ZNF292: variants seen among roughly 807,000 people sequenced by gnomAD.
ZNF292 encodes 16 zinc-finger domain protein.
A neutral mutation model predicts 217.9 loss-of-function variants in ZNF292; 26 were observed. The observed-to-expected ratio is 0.12, with a 90% CI of 0.09 to 0.17. The LOEUF (loss-of-function observed/expected upper bound fraction) is 0.17, where lower values mean the gene tolerates loss of function less well. Among genes scored for constraint, ZNF292 ranks in the 10% least tolerant of loss-of-function variants. The probability of loss-of-function intolerance (pLI) is 1.00; values close to 1 mark genes in which losing one functional copy is unlikely to be tolerated. For synonymous variants in ZNF292, 1,257 were observed against 1,124.1 expected (o/e 1.12, Z -2.37); for missense variants, 2,904 against 3,175.2 (o/e 0.91, Z 2.05).
rs1775155193 is a variant in ZNF292 at position 87,255,425 on chromosome 6, G to A, written c.1796G>A (p.Arg599Lys). 2 of 1,613,722 alleles carry A rather than the reference G, an allele frequency of 1.2e-6. No individual in the cohort carries two copies. The highest frequency in any genetic ancestry group is 1.7e-6 in the Non-Finnish European group (2 of 1,179,830). The change falls in exon 8 of 8, where the codon AGA (arginine) becomes AAA (lysine). Residue 599 changes from arginine (R) to lysine (K), a missense_variant. Arg to Lys is a conservative substitution (Grantham distance 26, BLOSUM62 2). This residue lies in a region of ZNF292 where 216 missense variants were observed against 308.3 expected (regional missense o/e 0.70). Coordinates refer to ENST00000369577, the MANE Select transcript of ZNF292 (RefSeq NM_015021.3). ...CATGTTAAACAATCTAGTAAAGAGA[G>A]ACTAGCAGCTATGAAACCATTAAGA... ...TLHVKQSSKERLAAMKPLRRL... is the reference protein window; with the variant it reads ...TLHVKQSSKEKLAAMKPLRRL...
chr6:87,230,525 A>C (rs1362759940), intron 4 of ZNF292, among the ~76,000 whole-genome samples: 1 of 152,128 alleles, frequency 6.6e-6, no homozygotes, highest in African/African-American at 2.4e-5. Flanking sequence ...CGAGGTCAGG[A>C]TATCAAGACC....
intron 1 of ZNF292, among the ~76,000 whole-genome samples, chr6:87,166,176 C>T (rs1342552885): frequency 6.6e-6 from 1 of 152,226 alleles, no homozygotes; most frequent in Non-Finnish European, 1.5e-5. Flanking sequence ...CCATTGCGCT[C>T]TCCCTCCATT....
Position 87,255,191 on chromosome 6 carries a change from T to G in ZNF292, c.1562T>G (p.Ile521Arg), listed in dbSNP as rs377486463. The G allele has an allele frequency of 1.9e-4, 301 of 1,613,730 alleles. 1 individual carries two copies. The highest frequency in any genetic ancestry group is 2.5e-4 in the South Asian group (23 of 91,064). ...IGDEKQKKRE[I>R]KQLRERGFIS... The stretch of plus-strand genomic sequence containing the variant: ...GATGAAAAGCAGAAGAAGAGAGAGA[T>G]AAAACAGTTAAGAGAGAGGGGATTT... The change falls in exon 8 of 8, where the codon ATA becomes AGA. Residue 521 changes from isoleucine to arginine, a missense_variant. This residue lies in a region of ZNF292 where 87 missense variants were observed against 99.6 expected (regional missense o/e 0.87). Transcript: ENST00000369577.
chr6:87,167,829 T>C (rs1770967611), intron 1 of ZNF292, among the ~76,000 whole-genome samples: 1 of 152,150 alleles, frequency 6.6e-6, no homozygotes, highest in African/African-American at 2.4e-5. Flanking sequence ...TCTTCGCTGA[T>C]TCAGAAAATG....
At position 87,260,899 on chromosome 6, in the gene ZNF292, C is replaced by T. The variant is rs1251284244; in HGVS notation, c.7270C>T (p.Leu2424Phe). 1 of 1,610,394 alleles carries T rather than the reference C, an allele frequency of 6.2e-7. No homozygotes were observed. Among genetic ancestry groups the T allele is most frequent in the Non-Finnish European group, 8.5e-7 (1 of 1,178,226 alleles). ...ATTTACATCACAACACCGAAATCTT[C>T]TTATTGTATTCAAACGGTGTTGCAA... The part of the protein sequence containing the change: ...KAFTSQHRNL[L>F]IVFKRCCNSQ... The change falls in exon 8 of 8, where the codon CTT (leucine) becomes TTT (phenylalanine). Residue 2424 changes from leucine to phenylalanine, a missense_variant. Leu to Phe is a conservative substitution (Grantham distance 22). Around this residue, in one of 15 missense-constraint regions of ZNF292, gnomAD observed 380 missense variants for 355.3 expected, o/e 1.07. Coordinates refer to ENST00000369577, the MANE Select transcript of ZNF292 (RefSeq NM_015021.3).
In ZNF292 at chr6:87,188,413, C is replaced by T. The variant is rs144845864; in HGVS notation, c.169-27490C>T. ...AGAAATCCCTTACTGTCTTCCTGGC[C>T]TTATATTTCTATTATAAGCCTCTAT... On this transcript the variant is annotated intron_variant, in intron 1 of 7. Coordinates refer to ENST00000369577, the MANE Select transcript of ZNF292 (RefSeq NM_015021.3). 4.8e-4 allele frequency among the ~76,000 whole-genome samples: 73 copies of T among 152,230 alleles called. 1 individual carries two copies. The East Asian group carries it at 0.012, about 26-fold the overall frequency.
At position 87,265,785 on chromosome 6, in the gene ZNF292, GATT is replaced by G. The variant is rs778265269; in HGVS notation, c.*3988_*3990del. ...ATTGTATCAGCTGTTTGCAAATGGT[GATT>G]ATTCTGATTGATCAATTTATATATC... is the stretch of plus-strand genomic sequence containing the variant. On this transcript the variant is annotated 3_prime_UTR_variant, in exon 8 of 8. Coordinates refer to ENST00000369577, the MANE Select transcript of ZNF292 (RefSeq NM_015021.3). 1.1e-4 allele frequency among the ~76,000 whole-genome samples: 17 copies of G among 152,132 alleles called. No individual in the cohort carries two copies. Among genetic ancestry groups the G allele is most frequent in the Admixed American group, 8.5e-4 (13 of 15,276 alleles).
In ZNF292 at chr6:87,256,672, G is replaced by A. The variant is rs188290220; in HGVS notation, c.3043G>A (p.Asp1015Asn). ...AAATTCAGAAACTCTCAAAATAGGT[G>A]ACCTTACCCCACAAAACTTAGAAAG... ...LVNSETLKIG[D>N]LTPQNLERQV... Residue 1015 changes from aspartate (D) to asparagine (N), a missense_variant, in exon 8 of 8, where the codon GAC (aspartate) becomes AAC (asparagine). Asp to Asn is a conservative substitution (Grantham distance 23). Transcript: ENST00000369577. The A allele has an allele frequency of 4.3e-6, 7 of 1,613,274 alleles. No individual in the cohort carries two copies. The highest frequency in any genetic ancestry group is 1.7e-5 in the Admixed American group (1 of 59,946).
intron 3 of ZNF292, among the ~76,000 whole-genome samples, chr6:87,217,669 TGAAG>T (rs1772858574): frequency 6.6e-6 from 1 of 152,132 alleles, no homozygotes; most frequent in South Asian, 2.1e-4. Flanking sequence ...AGATGGATTA[TGAAG>T]GAAGTAACTC....
intron 1 of ZNF292, among the ~76,000 whole-genome samples, chr6:87,160,822 AG>A (rs1203683035): frequency 6.6e-6 from 1 of 152,134 alleles, no homozygotes; most frequent in African/African-American, 2.4e-5. Context: ...TGCTATGACT[AG>A]GGATGTGGTA....
At chr6:87,254,580 C>T in intron 7 of ZNF292, 70 bp from the exon 8 acceptor site, 2 of 1,409,964 alleles carry the variant, frequency 1.4e-6, no homozygotes, top group South Asian at 1.4e-5. Context: ...TCAATCTTAA[C>T]TAAATTCTGA....
chr6:87,174,827 C>T (rs1222021359), intron 1 of ZNF292, among the ~76,000 whole-genome samples: 1 of 152,116 alleles, frequency 6.6e-6, no homozygotes, highest in Non-Finnish European at 1.5e-5. Context: ...ATCAGAGGAA[C>T]AATATTATCA....
chr6:87,185,976 TGG>T (rs1460258362), intron 1 of ZNF292, among the ~76,000 whole-genome samples: 105 of 152,274 alleles, frequency 6.9e-4, no homozygotes, highest in African/African-American at 2.3e-3. Context: ...CCTAGTCCTT[TGG>T]ATTTTTATGA....
intron 4 of ZNF292, among the ~76,000 whole-genome samples, chr6:87,219,262 A>AG (rs1481928696): frequency 6.6e-6 from 1 of 152,148 alleles, no homozygotes; most frequent in Admixed American, 6.5e-5. Flanking sequence ...TGTTTTTTAG[A>AG]GTTTAAAATT....
intron 1 of ZNF292, 106 bp downstream of exon 1, chr6:87,155,865 G>T (rs1393551757): frequency 2.2e-6 from 3 of 1,367,750 alleles, no homozygotes; most frequent in African/African-American, 2.9e-5. Flanking sequence ...TGGCATCATC[G>T]GCGCCTCCGC....
chr6:87,252,686 T>C (rs1377499026), intron 7 of ZNF292, among the ~76,000 whole-genome samples: 1 of 152,198 alleles, frequency 6.6e-6, no homozygotes, highest in Non-Finnish European at 1.5e-5. Flanking sequence ...CCACAGGTGA[T>C]TTTTTTCTTT....
At chr6:87,243,383 T>C in intron 5 of ZNF292, 92 bp from the exon 6 acceptor site, 1 of 1,097,248 alleles carries the variant, frequency 9.1e-7, no homozygotes, top group Non-Finnish European at 1.2e-6. Context: ...TCATAAAAAC[T>C]ATCTAAATAT....
intron 4 of ZNF292, among the ~76,000 whole-genome samples, chr6:87,232,888 CTCT>C (rs1181688662): frequency 6.6e-6 from 1 of 152,110 alleles, no homozygotes; most frequent in East Asian, 1.9e-4. Flanking sequence ...TTAGTTGAAT[CTCT>C]TCTTCTGGAA....
intron 5 of ZNF292, among the ~76,000 whole-genome samples, chr6:87,236,928 A>G (rs1773934866): frequency 6.6e-6 from 1 of 152,176 alleles, no homozygotes; most frequent in Non-Finnish European, 1.5e-5. Context: ...TGCCTTTTAC[A>G]TACATCCGTG....
Sources: allele counts gnomAD v4.1 joint callset (sites outside exome capture counted in the v4.1 genomes callset), GRCh38; gene constraint gnomAD v4.1.1; regional missense constraint gnomAD v4.1.1; transcripts MANE v1.5; gene names NCBI Gene and HGNC (gene_info 2026-07-23, HGNC 2026-07-21).